The following ZSCAN10 variants were observed in gnomAD, a reference collection of about 807,000 sequenced individuals.
ZSCAN10 encodes zinc finger and SCAN domain containing 10, also known as zinc finger and SCAN domain-containing protein 10.
Under a neutral mutation model 63.7 loss-of-function variants are expected in ZSCAN10, and 52 were observed. That is an observed-to-expected ratio of 0.82 (90% CI 0.65 to 1.03). The LOEUF is 1.03. Among genes scored for constraint, ZSCAN10 ranks in the 50% least tolerant of loss-of-function variants. ZSCAN10 has a pLI of 0.00. For synonymous variants in ZSCAN10, 544 were observed against 479.6 expected (o/e 1.13, Z -1.76); for missense variants, 1,223 against 1,103.8 (o/e 1.11, Z -1.53).
chr16:3,098,559 C>G (rs1957184242), intron 1 of ZSCAN10, among the ~76,000 whole-genome samples: 1 of 151,992 alleles, frequency 6.6e-6, no homozygotes, highest in Non-Finnish European at 1.5e-5. Context: ...GAGATCTCTC[C>G]AAAAGGTTTC....
chr16:3,095,226 A>T (rs1008583436), intron 1 of ZSCAN10, among the ~76,000 whole-genome samples: 2 of 151,878 alleles, frequency 1.3e-5, no homozygotes, highest in Admixed American at 6.6e-5. Context: ...TAAAAAAATT[A>T]AAAATGTAGG....
chr16:3,089,296 G>T lies in ZSCAN10; in HGVS notation c.2138C>A (p.Ala713Glu). 1 of 1,567,448 alleles carries T rather than the reference G, an allele frequency of 6.4e-7. No individual in the cohort carries two copies. Among genetic ancestry groups the T allele is most frequent in the Non-Finnish European group, 8.6e-7 (1 of 1,164,134 alleles). The part of the protein sequence containing the change: ...AHLRRHLATH[A>E]EPGQEQAEPP... Reference sequence around the variant, plus strand: ...CTCGGCCTGCTCCTGCCCGGGCTCCGCATGGGTAGCCAGGTGCCGCCGCAG... The same window carrying T: ...CTCGGCCTGCTCCTGCCCGGGCTCCTCATGGGTAGCCAGGTGCCGCCGCAG... Residue 713 changes from alanine (A) to glutamate (E), a missense_variant, in exon 6 of 6, where the codon GCG (alanine) becomes GAG (glutamate). Coordinates refer to ENST00000576985, the MANE Select transcript of ZSCAN10 (RefSeq NM_032805.3).
rs367618700 is a variant in ZSCAN10, at chr16:3,092,524, G to T, written c.396+18C>A. Reference sequence around the variant, plus strand: ...CCATCATCCGCATGCTGCTCAGCCCGCTGCCCCACCCTCTCACCAGCGGCC... The same window carrying T: ...CCATCATCCGCATGCTGCTCAGCCCTCTGCCCCACCCTCTCACCAGCGGCC... On this transcript the variant is annotated intron_variant, in intron 2 of 5. Transcript: ENST00000576985. 2.0e-6 allele frequency: 3 copies of T among 1,488,272 alleles called. No homozygotes were observed. The highest frequency in any genetic ancestry group is 2.6e-5 in the South Asian group (2 of 75,890). 92.2% of individuals were successfully genotyped at this position (1,488,272 alleles called of 1,614,324 possible).
chr16:3,094,594 T>C (rs2151217763), intron 1 of ZSCAN10, among the ~76,000 whole-genome samples: 1 of 152,226 alleles, frequency 6.6e-6, no homozygotes, highest in South Asian at 2.1e-4. Context: ...ATCCGCCCGC[T>C]TCGGTCTCCC....
In ZSCAN10 at chr16:3,090,327, C is replaced by G. The variant is rs1254216665; in HGVS notation, c.1107G>C (p.Ser369=). The change falls in exon 6 of 6, where the codon TCG becomes TCC. Residue 369 remains serine, a synonymous_variant. Coordinates refer to ENST00000576985, the MANE Select transcript of ZSCAN10 (RefSeq NM_032805.3). ...LSRLKAHQLR[S]HPAGRSFLCL... ...ACAGGAAGGAGCGCCCAGCCGGGTGCGAGCGCAGCTGGTGCGCCTTCAGGC... is the reference window on the plus strand; with the variant it reads ...ACAGGAAGGAGCGCCCAGCCGGGTGGGAGCGCAGCTGGTGCGCCTTCAGGC... 1.2e-6 allele frequency: 2 copies of G among 1,609,412 alleles called. No homozygotes were observed. The highest frequency in any genetic ancestry group is 1.7e-6 in the Non-Finnish European group (2 of 1,178,280).
chr16:3,094,748 C>A (rs1200377939), intron 1 of ZSCAN10, among the ~76,000 whole-genome samples: 1 of 151,934 alleles, frequency 6.6e-6, no homozygotes, highest in African/African-American at 2.4e-5. Flanking sequence ...TACTCAGTGT[C>A]ATAAAAAGTA....
Position 3,092,657 on chromosome 16 carries a change from C to T in ZSCAN10, c.281G>A (p.Ser94Asn), listed in dbSNP as rs1223142709. The change falls in exon 2 of 6, where the codon AGT becomes AAT. Residue 94 changes from serine to asparagine, a missense_variant. Ser to Asn is a conservative substitution (Grantham distance 46). Coordinates refer to ENST00000576985, the MANE Select transcript of ZSCAN10 (RefSeq NM_032805.3). ...GCCCAGGAGGTGCGGAGGCAGCACA[C>T]TCAGGAACTGCTCCAGCACCAGCAG... ...LELLVLEQFL[S>N]VLPPHLLGRL... 1 of 1,613,022 alleles carries T rather than the reference C, an allele frequency of 6.2e-7. No individual in the cohort carries two copies. The highest frequency in any genetic ancestry group is 8.5e-7 in the Non-Finnish European group (1 of 1,179,856).
intron 1 of ZSCAN10, among the ~76,000 whole-genome samples, chr16:3,097,275 G>T (rs1957165295): frequency 1.3e-5 from 2 of 151,990 alleles, no homozygotes; most frequent in South Asian, 4.2e-4. Flanking sequence ...CCGCTGAGAA[G>T]GAGGGGAGGT....
intron 1 of ZSCAN10, among the ~76,000 whole-genome samples, chr16:3,094,492 C>T (rs1209642428): frequency 6.6e-6 from 1 of 152,092 alleles, no homozygotes; most frequent in Non-Finnish European, 1.5e-5. Flanking sequence ...ATTACAAGCA[C>T]GCGCCACCGC....
intron 1 of ZSCAN10, among the ~76,000 whole-genome samples, 181 bp downstream of exon 1, chr16:3,099,009 C>A (rs1421859836): frequency 6.6e-6 from 1 of 152,222 alleles, no homozygotes; most frequent in South Asian, 2.1e-4. Context: ...ACGCCCCCAT[C>A]GCGACAGGTC....
chr16:3,089,769 G>C lies in ZSCAN10; in HGVS notation c.1665C>G (p.Cys555Trp), dbSNP rs748013990. ...TGERPFSCQA[C>W]GRSFTQSSQL... The stretch of plus-strand genomic sequence containing the variant: ...GCGAGCTCTGCGTGAAGCTGCGGCC[G>C]CAAGCCTGGCAGGAGAAGGGCCGCT... The change falls in exon 6 of 6, where the codon TGC becomes TGG. Residue 555 changes from cysteine (C) to tryptophan (W), a missense_variant. Physicochemically the swap from Cys to Trp is radical, Grantham distance 215. Coordinates refer to ENST00000576985, the MANE Select transcript of ZSCAN10 (RefSeq NM_032805.3). 13 of 1,596,624 alleles carry C rather than the reference G, an allele frequency of 8.1e-6. No individual in the cohort carries two copies. The highest frequency in any genetic ancestry group is 1.7e-5 in the Admixed American group (1 of 59,598).
chr16:3,093,025 G>C, intron 1 of ZSCAN10, 21 bp from the exon 2 acceptor site: 1 of 1,347,998 alleles, frequency 7.4e-7, no homozygotes, highest in Admixed American at 3.4e-5. Context: ...GAACACCCTG[G>C]GTTAGGATCT....
chr16:3,098,791 T>G (rs559202296), intron 1 of ZSCAN10, among the ~76,000 whole-genome samples: 1 of 152,028 alleles, frequency 6.6e-6, no homozygotes, highest in East Asian at 1.9e-4. Flanking sequence ...GAGCCCAGAG[T>G]TGGGGAAGGC....
chr16:3,094,846 T>A (rs1240560233), intron 1 of ZSCAN10, among the ~76,000 whole-genome samples: 2 of 151,488 alleles, frequency 1.3e-5, no homozygotes, highest in Non-Finnish European at 2.9e-5. Context: ...CATTCATTTT[T>A]CTTAAAGGCT....
Position 3,089,224 on chromosome 16 carries a change from C to A in ZSCAN10, c.2210G>T (p.Cys737Phe). The A allele has an allele frequency of 1.3e-6, 2 of 1,576,436 alleles. No individual in the cohort carries two copies. Among genetic ancestry groups the A allele is most frequent in the South Asian group, 1.1e-5 (1 of 87,548 alleles). ...VECGKSFSRSCNLLRHLLVHT... is the reference protein window; with the variant it reads ...VECGKSFSRSFNLLRHLLVHT... ...CACCAGCAGGTGTCGCAGCAGATTG[C>A]AGCTGCGGCTGAAGCTCTTCCCGCA... Residue 737 changes from cysteine to phenylalanine, a missense_variant, in exon 6 of 6, where the codon TGC becomes TTC. Physicochemically the swap from Cys to Phe is radical, Grantham distance 205. Coordinates refer to ENST00000576985, the MANE Select transcript of ZSCAN10 (RefSeq NM_032805.3).
At position 3,094,895 on chromosome 16, in the gene ZSCAN10, A is replaced by G. The variant is rs540557132; in HGVS notation, c.-67-1891T>C. 2.8e-4 allele frequency among the ~76,000 whole-genome samples: 42 copies of G among 150,638 alleles called. No individual in the cohort carries two copies. The South Asian group carries it at 3.8e-3, about 14-fold the overall frequency. On this transcript the variant is annotated intron_variant, in intron 1 of 5. Transcript: ENST00000576985. Reference sequence around the variant, plus strand: ...TGGGGCCAGTCGGAAAATGGTGAGTATGGTGGGGATACTAGATGATAACAG... The same window carrying G: ...TGGGGCCAGTCGGAAAATGGTGAGTGTGGTGGGGATACTAGATGATAACAG...
At position 3,089,571 on chromosome 16, in the gene ZSCAN10, C is replaced by T; in HGVS notation, c.1863G>A (p.Leu621=). The change falls in exon 6 of 6, where the codon CTG becomes CTA. Residue 621 remains leucine (L), a synonymous_variant. Coordinates refer to ENST00000576985, the MANE Select transcript of ZSCAN10 (RefSeq NM_032805.3). ...CGKSFGQTQD[L]ARHQRSHTGE... ...CCGTGTGGCTGCGCTGGTGGCGGGC[C>T]AGATCCTGGGTCTGGCCGAAACTCT... is the stretch of plus-strand genomic sequence containing the variant. 6.3e-7 allele frequency: 1 copy of T among 1,593,138 alleles called. No individual in the cohort carries two copies. Among genetic ancestry groups the T allele is most frequent in the African/African-American group, 1.3e-5 (1 of 74,436 alleles).
At chr16:3,096,610 C>T (rs1268831917) in intron 1 of ZSCAN10, 2 of 152,196 alleles carry the variant, frequency 1.3e-5, no homozygotes, top group Non-Finnish European at 2.9e-5. Flanking sequence ...ATTCTACAGC[C>T]GAGGACACTA....
chr16:3,093,973 C>T (rs1008275884), intron 1 of ZSCAN10, among the ~76,000 whole-genome samples: 3 of 152,100 alleles, frequency 2.0e-5, no homozygotes, highest in Non-Finnish European at 4.4e-5. Context: ...GCGTGAACCA[C>T]TGCACCAAGC....
Sources: gnomAD v4.1 joint callset for allele counts (sites outside exome capture counted in the v4.1 genomes callset) on GRCh38, gnomAD v4.1.1 for gene constraint, MANE v1.5 for transcripts, NCBI Gene and HGNC (gene_info 2026-07-23, HGNC 2026-07-21) for gene names.